TNFRSF13C: variants seen among roughly 807,000 people sequenced by gnomAD.
TNFRSF13C encodes the protein tumor necrosis factor receptor superfamily member 13C.
A neutral mutation model predicts 12.1 loss-of-function variants in TNFRSF13C; 7 were observed. The ratio of observed to expected loss-of-function variants is 0.58; its 90% CI spans 0.33 to 1.08. The LOEUF (loss-of-function observed/expected upper bound fraction) is 1.08, where lower values mean the gene tolerates loss of function less well. Ranked by LOEUF, TNFRSF13C falls within the 50% of genes least tolerant of loss-of-function variation. The pLI, the probability that TNFRSF13C is intolerant of heterozygous loss-of-function variation, is 0.04. For missense variants in TNFRSF13C, 260 were observed against 265.9 expected, an observed-to-expected ratio of 0.98 and a Z score of 0.15; for synonymous variants, 157 against 130.8, an observed-to-expected ratio of 1.20 and a Z score of -1.37.
In TNFRSF13C at chr22:41,926,274, G is replaced by A; in HGVS notation, c.194C>T (p.Ala65Val). The change falls in exon 2 of 3, where the codon GCG becomes GTG. Residue 65 changes from alanine (A) to valine (V), a missense_variant. Transcript: ENST00000291232. The surrounding 1 kb of genome is among the most constrained non-coding windows in gnomAD (Gnocchi z 4.9). ...TALQPQESVG[A>V]GAGEAALPLP... ...GGGCAGCGCCGCCTCGCCGGCCCCC[G>A]CGCCCACCGACTCCTGCGGCTGCAG... 5 of 1,489,954 alleles carry A rather than the reference G, an allele frequency of 3.4e-6. No homozygotes were observed. The highest frequency in any genetic ancestry group is 3.5e-6 in the Non-Finnish European group (4 of 1,127,962). 92.3% of individuals were successfully genotyped at this position (1,489,954 alleles called of 1,614,324 possible).
chr22:41,924,949 CAAAAAAA>C lies in TNFRSF13C; in HGVS notation c.*411_*417del, dbSNP rs750334567. 6.8e-4 allele frequency: 31 copies of C among 45,360 alleles called. No individual in the cohort carries two copies. Among genetic ancestry groups the C allele is most frequent in the South Asian group, 1.2e-3 (1 of 862 alleles). The allele number at this position is 45,360 out of a possible 1,614,324, so 2.8% of individuals were successfully genotyped here. A position where few individuals can be genotyped will look rare whatever the true frequency, so the allele number is the denominator to read the frequency against. On this transcript the variant is annotated 3_prime_UTR_variant, in exon 3 of 3. Coordinates refer to ENST00000291232, the MANE Select transcript of TNFRSF13C (RefSeq NM_052945.4). ...CCTGGCGACAGAGCAAGACTCGTCTCAAAAAAAAAAAAAAAAAAAAAAAAAAAAAATC... is the reference window on the plus strand; with the variant it reads ...CCTGGCGACAGAGCAAGACTCGTCTCAAAAAAAAAAAAAAAAAAAAAAATC...
chr22:41,926,083 C>G lies in TNFRSF13C; in HGVS notation c.367+18G>C. 6.2e-7 allele frequency: 1 copy of G among 1,612,472 alleles called. No homozygotes were observed. The highest frequency in any genetic ancestry group is 8.5e-7 in the Non-Finnish European group (1 of 1,179,776). On this transcript the variant is annotated intron_variant, in intron 2 of 2. Coordinates refer to ENST00000291232, the MANE Select transcript of TNFRSF13C (RefSeq NM_052945.4). The surrounding 1 kb of genome is among the most constrained non-coding windows in gnomAD (Gnocchi z 4.9). Reference sequence around the variant, plus strand: ...CCTGCGCCCCGCTCAGACTGGTTCCCCTACACACGGAACTCACCGTCCTTG... The same window carrying G: ...CCTGCGCCCCGCTCAGACTGGTTCCGCTACACACGGAACTCACCGTCCTTG...
chr22:41,926,628 TC>T lies in TNFRSF13C; in HGVS notation c.136+9del. The stretch of plus-strand genomic sequence containing the variant: ...CTGCCGGCGCCGCGCGCCCCGTGGG[TC>T]CCCCTTACCCGGTTTCGGCCGCGGC... On this transcript the variant is annotated intron_variant, in intron 1 of 2. Transcript: ENST00000291232. The surrounding 1 kb of genome is among the most constrained non-coding windows in gnomAD (Gnocchi z 4.9). The T allele has an allele frequency of 1.4e-6, 2 of 1,436,214 alleles. No individual in the cohort carries two copies. The highest frequency in any genetic ancestry group is 1.8e-6 in the Non-Finnish European group (2 of 1,097,860). 89.0% of individuals were successfully genotyped at this position (1,436,214 alleles called of 1,614,324 possible).
Position 41,926,065 on chromosome 22 carries a change from C to G in TNFRSF13C, c.367+36G>C. ...CGTCCCGACACCCCAGCCCCTGCGC[C>G]CCGCTCAGACTGGTTCCCCTACACA... On this transcript the variant is annotated intron_variant, in intron 2 of 2. Coordinates refer to ENST00000291232, the MANE Select transcript of TNFRSF13C (RefSeq NM_052945.4). This position sits in a 1 kb window ranked among gnomAD's most constrained non-coding sequence, Gnocchi z 4.9. 6.2e-7 allele frequency: 1 copy of G among 1,611,614 alleles called. No individual in the cohort carries two copies. Among genetic ancestry groups the G allele is most frequent in the East Asian group, 2.2e-5 (1 of 44,864 alleles).
chr22:41,924,022 C>T lies in TNFRSF13C; in HGVS notation c.*1345G>A, dbSNP rs993251283. 1 of 152,188 alleles carries T rather than the reference C, an allele frequency of 6.6e-6. No individual in the cohort carries two copies. The highest frequency in any genetic ancestry group is 1.5e-5 in the Non-Finnish European group (1 of 68,036). The allele number at this position is 152,188 out of a possible 1,614,324, so 9.4% of individuals were successfully genotyped here. On this transcript the variant is annotated 3_prime_UTR_variant, in exon 3 of 3. Coordinates refer to ENST00000291232, the MANE Select transcript of TNFRSF13C (RefSeq NM_052945.4). ...CAAGCGAACCCATGAATTGATTATT[C>T]ACTGCTGCCATTTGCATCAGTTTAA...
rs2077621197 is a variant in TNFRSF13C at position 41,924,848 on chromosome 22, AGGCTGAGGCAGGAGAATCACTTGAACC to A, written c.*492_*518del. On this transcript the variant is annotated 3_prime_UTR_variant, in exon 3 of 3. Transcript: ENST00000291232. ...GTGCCTGTAATCCCAGCTATTCGGG[AGGCTGAGGCAGGAGAATCACTTGAACC>A]AAGGAGTCGGAGGTTACAGTGAGGC... 1 of 145,262 alleles carries A rather than the reference AGGCTGAGGCAGGAGAATCACTTGAACC, an allele frequency of 6.9e-6. No individual in the cohort carries two copies. The highest frequency in any genetic ancestry group is 2.6e-5 in the African/African-American group (1 of 38,972). The allele number at this position is 145,262 out of a possible 1,614,324, so 9.0% of individuals were successfully genotyped here. A position where few individuals can be genotyped will look rare whatever the true frequency, so the allele number is the denominator to read the frequency against.
rs1602373844 is a variant in TNFRSF13C at position 41,926,225 on chromosome 22, G to A, written c.243C>T (p.Ala81=). 4 of 1,592,472 alleles carry A rather than the reference G, an allele frequency of 2.5e-6. No individual in the cohort carries two copies. The highest frequency in any genetic ancestry group is 1.1e-5 in the South Asian group (1 of 89,506). ...CCAGTGCCAGGCCCAGCAGCGCGGG[G>A]GCGCCAAAGAGCAGCCCGGGCAGGG... is the stretch of plus-strand genomic sequence containing the variant. ...ALPLPGLLFG[A]PALLGLALVL... is the part of the protein sequence containing the mutation. The change falls in exon 2 of 3, where the codon GCC becomes GCT. Residue 81 remains alanine, a synonymous_variant. Transcript: ENST00000291232. This position sits in a 1 kb window ranked among gnomAD's most constrained non-coding sequence, Gnocchi z 4.9.
In TNFRSF13C at chr22:41,926,285, C is replaced by CT; in HGVS notation, c.182dup (p.Ser62ValfsTer78). On this transcript the variant is annotated frameshift_variant, in exon 2 of 3. Transcript: ENST00000291232. LOFTEE classifies it high-confidence loss of function. This position sits in a 1 kb window ranked among gnomAD's most constrained non-coding sequence, Gnocchi z 4.9. ...CCTCGCCGGCCCCCGCGCCCACCGACTCCTGCGGCTGCAGCGCCGTCCTGG... is the reference window on the plus strand; with the variant it reads ...CCTCGCCGGCCCCCGCGCCCACCGACTTCCTGCGGCTGCAGCGCCGTCCTGG... The CT allele has an allele frequency of 1.3e-6, 2 of 1,485,694 alleles. No individual in the cohort carries two copies. Among genetic ancestry groups the CT allele is most frequent in the Non-Finnish European group, 1.8e-6 (2 of 1,126,234 alleles). The allele number at this position is 1,485,694 out of a possible 1,614,324, so 92.0% of individuals were successfully genotyped here.
Position 41,926,721 on chromosome 22 carries a change from G to A in TNFRSF13C, c.53C>T (p.Pro18Leu). The change falls in exon 1 of 3, where the codon CCC becomes CTC. Residue 18 changes from proline to leucine, a missense_variant. By Grantham distance (98) the Pro-to-Leu change is moderately conservative (BLOSUM62 -3). Transcript: ENST00000291232. This position sits in a 1 kb window ranked among gnomAD's most constrained non-coding sequence, Gnocchi z 4.9. Reference protein sequence around the residue: ...LRGRDAPAPTPCVPAECFDLL... With the variant: ...LRGRDAPAPTLCVPAECFDLL... ...GTCGAAGCACTCGGCCGGGACGCAG[G>A]GCGTGGGGGCTGGCGCGTCCCTGCC... The A allele has an allele frequency of 6.9e-7, 1 of 1,438,886 alleles. No individual in the cohort carries two copies. Among genetic ancestry groups the A allele is most frequent in the Non-Finnish European group, 9.1e-7 (1 of 1,099,630 alleles). The allele number at this position is 1,438,886 out of a possible 1,614,324, so 89.1% of individuals were successfully genotyped here.
At chr22:41,925,579 C>CCGTA (rs758340191) in intron 2 of TNFRSF13C, 25 bp from the exon 3 acceptor site, 55 of 1,609,742 alleles carry the variant, frequency 3.4e-5, no homozygotes, top group Non-Finnish European at 4.4e-5. Context: ...GGTAGAGGCT[C>CCGTA]CGTACTCAGT....
At position 41,926,216 on chromosome 22, in the gene TNFRSF13C, C is replaced by T. The variant is rs886057589; in HGVS notation, c.252G>A (p.Leu84=). ...GCGCCAGGACCAGTGCCAGGCCCAG[C>T]AGCGCGGGGGCGCCAAAGAGCAGCC... ...LPGLLFGAPA[L]LGLALVLALV... The change falls in exon 2 of 3, where the codon CTG becomes CTA. Residue 84 remains leucine, a synonymous_variant. Coordinates refer to ENST00000291232, the MANE Select transcript of TNFRSF13C (RefSeq NM_052945.4). This position sits in a 1 kb window ranked among gnomAD's most constrained non-coding sequence, Gnocchi z 4.9. The T allele has an allele frequency of 6.3e-7, 1 of 1,599,802 alleles. No homozygotes were observed.
rs1243432410 is a variant in TNFRSF13C, at chr22:41,926,632, C to T, written c.136+6G>A. ...CGGCGCCGCGCGCCCCGTGGGTCCC[C>T]CTTACCCGGTTTCGGCCGCGGCGTG... On this transcript the variant is annotated splice_donor_region_variant and intron_variant, in intron 1 of 2. Transcript: ENST00000291232. The surrounding 1 kb of genome is among the most constrained non-coding windows in gnomAD (Gnocchi z 4.9). 1 of 1,458,220 alleles carries T rather than the reference C, an allele frequency of 6.9e-7. No individual in the cohort carries two copies. The highest frequency in any genetic ancestry group is 9.0e-7 in the Non-Finnish European group (1 of 1,110,326). The allele number at this position is 1,458,220 out of a possible 1,614,324, so 90.3% of individuals were successfully genotyped here.
rs1357809446 is a variant in TNFRSF13C at position 41,926,358 on chromosome 22, G to A, written c.137-27C>T. On this transcript the variant is annotated intron_variant, in intron 1 of 2. Transcript: ENST00000291232. This position sits in a 1 kb window ranked among gnomAD's most constrained non-coding sequence, Gnocchi z 4.9. ...TGCTTCGGGAGGGGACAGGGAGGGA[G>A]GCCAGGGGGCCGAGGGGAGGGAGGA... 3 of 1,360,906 alleles carry A rather than the reference G, an allele frequency of 2.2e-6. No individual in the cohort carries two copies. The highest frequency in any genetic ancestry group is 2.8e-6 in the Non-Finnish European group (3 of 1,064,848). The allele number at this position is 1,360,906 out of a possible 1,614,324, so 84.3% of individuals were successfully genotyped here. A position where few individuals can be genotyped will look rare whatever the true frequency, so the allele number is the denominator to read the frequency against.
Position 41,926,300 on chromosome 22 carries a change from C to T in TNFRSF13C, c.168G>A (p.Ala56=), listed in dbSNP as rs1290517007. ...CGCCCACCGACTCCTGCGGCTGCAG[C>T]GCCGTCCTGGGCGCAGGGCTGCTGG... The part of the protein sequence containing the change: ...AGASSPAPRT[A]LQPQESVGAG... The change falls in exon 2 of 3, where the codon GCG becomes GCA. Residue 56 remains alanine (A), a synonymous_variant. Transcript: ENST00000291232. The surrounding 1 kb of genome is among the most constrained non-coding windows in gnomAD (Gnocchi z 4.9). The T allele has an allele frequency of 6.1e-6, 9 of 1,474,812 alleles. No individual in the cohort carries two copies. The highest frequency in any genetic ancestry group is 2.4e-5 in the Admixed American group (1 of 41,376). 91.4% of individuals were successfully genotyped at this position (1,474,812 alleles called of 1,614,324 possible). A position where few individuals can be genotyped will look rare whatever the true frequency, so the allele number is the denominator to read the frequency against.
In TNFRSF13C at chr22:41,926,779, C is replaced by T. The variant is rs932611095; in HGVS notation, c.-6G>A. On this transcript the variant is annotated 5_prime_UTR_variant, in exon 1 of 3. Coordinates refer to ENST00000291232, the MANE Select transcript of TNFRSF13C (RefSeq NM_052945.4). This position sits in a 1 kb window ranked among gnomAD's most constrained non-coding sequence, Gnocchi z 4.9. ...CTCCGGGGCCCTCGCCTCATGGTGC[C>T]GACGCCGCCGCACAAGCTGCGGGGA... is the stretch of plus-strand genomic sequence containing the variant. 1.2e-4 allele frequency: 152 copies of T among 1,321,390 alleles called. No individual in the cohort carries two copies. Among genetic ancestry groups the T allele is most frequent in the Admixed American group, 4.0e-4 (10 of 25,140 alleles). 81.9% of individuals were successfully genotyped at this position (1,321,390 alleles called of 1,614,324 possible). A position where few individuals can be genotyped will look rare whatever the true frequency, so the allele number is the denominator to read the frequency against.
rs571307806 is a variant in TNFRSF13C at position 41,926,781 on chromosome 22, A to C, written c.-8T>G. 20 of 1,304,766 alleles carry C rather than the reference A, an allele frequency of 1.5e-5. No individual in the cohort carries two copies. In the East Asian group the frequency reaches 3.6e-4, roughly 23 times the overall value. 80.8% of individuals were successfully genotyped at this position (1,304,766 alleles called of 1,614,324 possible). On this transcript the variant is annotated 5_prime_UTR_variant, in exon 1 of 3. Coordinates refer to ENST00000291232, the MANE Select transcript of TNFRSF13C (RefSeq NM_052945.4). The surrounding 1 kb of genome is among the most constrained non-coding windows in gnomAD (Gnocchi z 4.9). ...CCGGGGCCCTCGCCTCATGGTGCCG[A>C]CGCCGCCGCACAAGCTGCGGGGACT...
In TNFRSF13C at chr22:41,926,632, C is replaced by A. The variant is rs1243432410; in HGVS notation, c.136+6G>T. The A allele has an allele frequency of 6.9e-7, 1 of 1,458,220 alleles. No individual in the cohort carries two copies. The highest frequency in any genetic ancestry group is 2.5e-5 in the Admixed American group (1 of 40,216). 90.3% of individuals were successfully genotyped at this position (1,458,220 alleles called of 1,614,324 possible). ...CGGCGCCGCGCGCCCCGTGGGTCCC[C>A]CTTACCCGGTTTCGGCCGCGGCGTG... On this transcript the variant is annotated splice_donor_region_variant and intron_variant, in intron 1 of 2. Transcript: ENST00000291232. The surrounding 1 kb of genome is among the most constrained non-coding windows in gnomAD (Gnocchi z 4.9).
Position 41,925,166 on chromosome 22 carries a change from G to C in TNFRSF13C, c.*201C>G. 2 of 590,518 alleles carry C rather than the reference G, an allele frequency of 3.4e-6. No homozygotes were observed. Among genetic ancestry groups the C allele is most frequent in the Non-Finnish European group, 5.9e-6 (2 of 340,782 alleles). The allele number at this position is 590,518 out of a possible 1,614,324, so 36.6% of individuals were successfully genotyped here. The stretch of plus-strand genomic sequence containing the variant: ...CCACCTTCAAGGGCTGTCAAAGATG[G>C]TGAGGTCTGAAGCCAAAGGCAAGCA... On this transcript the variant is annotated 3_prime_UTR_variant, in exon 3 of 3. Coordinates refer to ENST00000291232, the MANE Select transcript of TNFRSF13C (RefSeq NM_052945.4).
Position 41,926,581 on chromosome 22 carries a change from CG to C in TNFRSF13C, c.136+56del. The stretch of plus-strand genomic sequence containing the variant: ...GGGGCTCTGCCTGCGCCCTGGCGAT[CG>C]GGGCCCCGTTCTCCCCGCAGCTGCC... On this transcript the variant is annotated intron_variant, in intron 1 of 2. Transcript: ENST00000291232. This position sits in a 1 kb window ranked among gnomAD's most constrained non-coding sequence, Gnocchi z 4.9. 7.3e-7 allele frequency: 1 copy of C among 1,366,490 alleles called. No homozygotes were observed. Among genetic ancestry groups the C allele is most frequent in the Non-Finnish European group, 9.4e-7 (1 of 1,065,434 alleles). 84.6% of individuals were successfully genotyped at this position (1,366,490 alleles called of 1,614,324 possible).
Sources: gnomAD v4.1 joint callset for allele counts on GRCh38, gnomAD v4.1.1 for gene constraint, Gnocchi (gnomAD v3.1) non-coding constraint, MANE v1.5 for transcripts, NCBI Gene and HGNC (gene_info 2026-07-23, HGNC 2026-07-21) for gene names.